The following AKAP13 variants were observed in gnomAD, a reference collection of about 807,000 sequenced individuals.
AKAP13 encodes A-kinase anchoring protein 13, also known as A-kinase anchor protein 13.
AKAP13 carries 80 observed loss-of-function variants against 264.5 expected under a neutral mutation model. That is an observed-to-expected ratio of 0.30 (90% CI 0.25 to 0.36). The LOEUF (loss-of-function observed/expected upper bound fraction) is 0.36, where lower values mean the gene tolerates loss of function less well. AKAP13 is among the 10% of genes least tolerant of loss of function. The pLI is 1.00. For missense variants in AKAP13, 3,712 were observed against 3,435.2 expected, an observed-to-expected ratio of 1.08 and a Z score of -2.01; for synonymous variants, 1,380 against 1,250.2, an observed-to-expected ratio of 1.10 and a Z score of -2.19.
chr15:85,636,545 G>A (rs1331373383), intron 8 of AKAP13, among the ~76,000 whole-genome samples: 1 of 151,846 alleles, frequency 6.6e-6, no homozygotes, highest in African/African-American at 2.4e-5. Flanking sequence ...CCTTTGTCAG[G>A]TTGAGTAATT....
chr15:85,694,762 C>T (rs777437913), intron 17 of AKAP13, among the ~76,000 whole-genome samples: 2 of 152,150 alleles, frequency 1.3e-5, no homozygotes, highest in Non-Finnish European at 2.9e-5. Flanking sequence ...CAGTCCAGGG[C>T]CAGTCCAGTC....
intron 8 of AKAP13, among the ~76,000 whole-genome samples, chr15:85,605,433 G>T (rs879459256): frequency 1.1e-4 from 17 of 152,136 alleles, no homozygotes; most frequent in Non-Finnish European, 1.9e-4. Context: ...GAGAACATGT[G>T]GATGCAGGGA....
intron 1 of AKAP13, among the ~76,000 whole-genome samples, chr15:85,411,599 G>A (rs1418535213): frequency 2.0e-5 from 3 of 152,060 alleles, no homozygotes; most frequent in African/African-American, 7.2e-5. Context: ...CACCACGCCC[G>A]GCTAATTTTT....
chr15:85,415,457 A>G (rs1346900377), intron 1 of AKAP13: 8 of 1,600,766 alleles, frequency 5.0e-6, no homozygotes, highest in South Asian at 4.4e-5. Flanking sequence ...AAGAAACCAC[A>G]GCTGATGGCA....
intron 1 of AKAP13, among the ~76,000 whole-genome samples, chr15:85,410,819 G>A (rs757199203): frequency 6.6e-6 from 1 of 151,546 alleles, no homozygotes; most frequent in Admixed American, 6.6e-5. Context: ...AATGATTATG[G>A]CATTTATTTT....
Position 85,533,838 on chromosome 15 carries a change from C to T in AKAP13, c.436C>T (p.Pro146Ser), listed in dbSNP as rs1388373287. The change falls in exon 4 of 37, where the codon CCC (proline) becomes TCC (serine). Residue 146 changes from proline to serine, a missense_variant. Physicochemically the swap from Pro to Ser is moderately conservative, Grantham distance 74. Transcript: ENST00000394518. ...GCTGGCATTCAGGCACCTGAAGCTG[C>T]CCACGGAGTGGAATGTATTGGGGAC... ...LVLAFRHLKL[P>S]TEWNVLGTDQ... 1.9e-6 allele frequency: 3 copies of T among 1,612,612 alleles called. No individual in the cohort carries two copies. The highest frequency in any genetic ancestry group is 2.5e-6 in the Non-Finnish European group (3 of 1,179,262).
chr15:85,400,869 TA>T (rs2071387788), intron 1 of AKAP13, among the ~76,000 whole-genome samples: 3 of 55,868 alleles, frequency 5.4e-5, no homozygotes, highest in African/African-American at 2.0e-4. Context: ...TATATATATA[TA>T]TATATTTTTT....
At position 85,428,649 on chromosome 15, in the gene AKAP13, T is replaced by A. The variant is rs570650899; in HGVS notation, c.-12+47851T>A. 2.0e-5 allele frequency among the ~76,000 whole-genome samples: 3 copies of A among 152,374 alleles called. No homozygotes were observed. The South Asian group carries it at 6.2e-4, about 32-fold the overall frequency. On this transcript the variant is annotated intron_variant, in intron 1 of 36. Coordinates refer to ENST00000394518, the MANE Select transcript of AKAP13 (RefSeq NM_007200.5). ...TGTGGGTTTGTACCCATGCTACTAA[T>A]GTCTTGTTTCTAACAAGGACATATA...
intron 3 of AKAP13, among the ~76,000 whole-genome samples, chr15:85,532,801 G>T (rs985013194): frequency 6.6e-6 from 1 of 152,206 alleles, no homozygotes; most frequent in Non-Finnish European, 1.5e-5. Context: ...GTGGCATGCA[G>T]TTTTCTGCCT....
intron 5 of AKAP13, among the ~76,000 whole-genome samples, chr15:85,560,790 C>A (rs1309038259): frequency 6.6e-6 from 1 of 152,064 alleles, no homozygotes; most frequent in Non-Finnish European, 1.5e-5. Context: ...TAAATTATTT[C>A]CTTAGGCTAA....
intron 9 of AKAP13, among the ~76,000 whole-genome samples, chr15:85,644,700 A>C (rs1422150384): frequency 6.8e-6 from 1 of 147,140 alleles, no homozygotes; most frequent in Non-Finnish European, 1.5e-5. Context: ...ATACAAAAAA[A>C]AAAAAAAAAA....
chr15:85,562,741 G>A (rs1261930107), intron 5 of AKAP13, among the ~76,000 whole-genome samples: 3 of 120,812 alleles, frequency 2.5e-5, no homozygotes, highest in South Asian at 2.9e-4. Flanking sequence ...TGTTGCCCAC[G>A]CTGGAGTGCA....
At chr15:85,385,468 T>C (rs945713358) in intron 1 of AKAP13, among the ~76,000 whole-genome samples, 3 of 152,208 alleles carry the variant, frequency 2.0e-5, no homozygotes, top group Non-Finnish European at 4.4e-5. Context: ...TACATTCATA[T>C]ATCCACTGCT....
chr15:85,676,304 A>G (rs566741497), intron 14 of AKAP13, among the ~76,000 whole-genome samples: 3 of 152,336 alleles, frequency 2.0e-5, no homozygotes, highest in South Asian at 2.1e-4. Context: ...ATAGAGGTTG[A>G]GCTGGAAGAC....
intron 5 of AKAP13, among the ~76,000 whole-genome samples, chr15:85,571,187 A>G (rs977813106): frequency 6.6e-6 from 1 of 152,194 alleles, no homozygotes; most frequent in Non-Finnish European, 1.5e-5. Context: ...TGAAGCAATT[A>G]TTAAAAAGAT....
rs1357068964 is a variant in AKAP13, at chr15:85,718,329, C to CT, written c.6001+175dup. Among the ~76,000 whole-genome samples, 1 of 152,270 alleles carries CT rather than the reference C, an allele frequency of 6.6e-6. No homozygotes were observed. Among genetic ancestry groups the CT allele is most frequent in the Non-Finnish European group, 1.5e-5 (1 of 68,010 alleles). On this transcript the variant is annotated intron_variant, in intron 22 of 36. Transcript: ENST00000394518. This position sits in a 1 kb window ranked among gnomAD's most constrained non-coding sequence, Gnocchi z 4.9. Reference sequence around the variant, plus strand: ...CGTGGTCCTGTTGGTATCCTATCTCCTTTTTGCCCCACTCTTCTGTTTTCA... The same window carrying CT: ...CGTGGTCCTGTTGGTATCCTATCTCCTTTTTTGCCCCACTCTTCTGTTTTCA...
At chr15:85,483,485 T>G (rs79526044) in intron 1 of AKAP13, among the ~76,000 whole-genome samples, 2,364 of 142,028 alleles carry the variant, frequency 0.017, 98 homozygotes, top group African/African-American at 0.067. Context: ...AATTAGCCGG[T>G]TGCGGTGGCG....
chr15:85,501,012 A>G (rs1024690137), intron 2 of AKAP13, among the ~76,000 whole-genome samples: 1 of 152,178 alleles, frequency 6.6e-6, no homozygotes, highest in Non-Finnish European at 1.5e-5. Context: ...TCATGGGACT[A>G]CCACCAATCT....
At chr15:85,491,415 C>A (rs1410457693) in intron 2 of AKAP13, among the ~76,000 whole-genome samples, 1 of 150,368 alleles carries the variant, frequency 6.7e-6, no homozygotes, top group East Asian at 1.9e-4. Context: ...TAGTTTTAGT[C>A]CTTTCTAGTT....
Sources: allele counts gnomAD v4.1 joint callset (sites outside exome capture counted in the v4.1 genomes callset), GRCh38; gene constraint gnomAD v4.1.1; non-coding constraint Gnocchi (gnomAD v3.1); transcripts MANE v1.5; gene names NCBI Gene and HGNC (gene_info 2026-07-23, HGNC 2026-07-21).